KCNG2: variants seen among roughly 807,000 people sequenced by gnomAD.
KCNG2 encodes the protein voltage-gated potassium channel regulatory subunit KCNG2.
A neutral mutation model predicts 12.3 loss-of-function variants in KCNG2; 7 were observed. That is an observed-to-expected ratio of 0.57 (90% CI 0.32 to 1.07). The LOEUF (loss-of-function observed/expected upper bound fraction) is 1.07. KCNG2 is among the 50% of genes least tolerant of loss of function. KCNG2 has a pLI of 0.04. For synonymous variants in KCNG2, 414 were observed against 351.4 expected (o/e 1.18, Z -1.99); for missense variants, 703 against 726.0 (o/e 0.97, Z 0.36).
chr18:79,839,637 A>G (rs1024292687), intron 1 of KCNG2, among the ~76,000 whole-genome samples: 1 of 152,222 alleles, frequency 6.6e-6, no homozygotes, highest in African/African-American at 2.4e-5. Context: ...CATCTAAACA[A>G]CTAAACCTCT....
chr18:79,863,246 G>A (rs1190512049), intron 2 of KCNG2, among the ~76,000 whole-genome samples: 1 of 152,254 alleles, frequency 6.6e-6, no homozygotes, highest in Non-Finnish European at 1.5e-5. Context: ...CTAGGACTGC[G>A]TCTCTCCCTC....
chr18:79,826,119 C>T (rs996999555), intron 1 of KCNG2, among the ~76,000 whole-genome samples: 4 of 152,236 alleles, frequency 2.6e-5, no homozygotes, highest in African/African-American at 9.6e-5. Context: ...ACACTGTGGG[C>T]GACAGGAAGG....
At chr18:79,798,511 T>A (rs1215746054) in intron 1 of KCNG2, among the ~76,000 whole-genome samples, 1 of 152,164 alleles carries the variant, frequency 6.6e-6, no homozygotes, top group Non-Finnish European at 1.5e-5. Context: ...TGTGGGCGAA[T>A]GCTCGGCGCG....
chr18:79,862,460 CCTTCAGCACT>C (rs1239622449), intron 2 of KCNG2, among the ~76,000 whole-genome samples: 1 of 152,200 alleles, frequency 6.6e-6, no homozygotes, highest in African/African-American at 2.4e-5. Flanking sequence ...CTTGGAGCAA[CCTTCAGCACT>C]CATCCAGGCT....
chr18:79,863,507 G>A (rs899377822), intron 2 of KCNG2, among the ~76,000 whole-genome samples, 121 bp from the exon 3 acceptor site: 1 of 152,214 alleles, frequency 6.6e-6, no homozygotes, highest in Admixed American at 6.5e-5. Context: ...GTGGGCGGGC[G>A]GAGGGGTCTC....
intron 3 of KCNG2, among the ~76,000 whole-genome samples, chr18:79,895,440 G>A (rs556992698): frequency 7.3e-4 from 111 of 151,498 alleles, no homozygotes; most frequent in African/African-American, 2.5e-3. Context: ...CATTCATAAC[G>A]ATTGATATAG....
In KCNG2 at chr18:79,830,703, T is replaced by TTTG. The variant is rs1978293153; in HGVS notation, c.-114-25675_-114-25674insTGT. On this transcript the variant is annotated intron_variant, in intron 1 of 3. Coordinates refer to ENST00000316249, the MANE Select transcript of KCNG2 (RefSeq NM_012283.2). ...AGGAGGGTTCCCTGCAGACAGAGCC[T>TTTG]TCGTCAGGAGGGTTCCCTGCAGACA... Among the ~76,000 whole-genome samples the TTTG allele has an allele frequency of 4.4e-5, 6 of 136,206 alleles. No individual in the cohort carries two copies. In the South Asian group the frequency reaches 6.7e-4, roughly 15 times the overall value. 89.4% of individuals were successfully genotyped at this position (136,206 alleles called of 152,430 possible).
chr18:79,877,838 A>G (rs979490930), intron 3 of KCNG2, among the ~76,000 whole-genome samples: 6 of 152,194 alleles, frequency 3.9e-5, no homozygotes, highest in African/African-American at 1.4e-4. Flanking sequence ...GCCTTCTGAG[A>G]AGGGCTCCCA....
At chr18:79,889,095 T>C (rs1464075861) in intron 3 of KCNG2, among the ~76,000 whole-genome samples, 1 of 152,222 alleles carries the variant, frequency 6.6e-6, no homozygotes, top group Non-Finnish European at 1.5e-5. Flanking sequence ...TTCCTTCCAT[T>C]GTGTGGGTTG....
chr18:79,897,308 G>A (rs1981014126), intron 3 of KCNG2, among the ~76,000 whole-genome samples: 1 of 151,950 alleles, frequency 6.6e-6, no homozygotes, highest in South Asian at 2.1e-4. Context: ...AACTCTTCAT[G>A]TTTACTAATT....
At chr18:79,825,846 C>T (rs1398267248) in intron 1 of KCNG2, among the ~76,000 whole-genome samples, 2 of 152,236 alleles carry the variant, frequency 1.3e-5, no homozygotes, top group Non-Finnish European at 2.9e-5. Context: ...ATCACCTGAC[C>T]TGACCGTGCA....
At chr18:79,801,231 T>C (rs1361787806) in intron 1 of KCNG2, among the ~76,000 whole-genome samples, 1 of 152,276 alleles carries the variant, frequency 6.6e-6, no homozygotes, top group Non-Finnish European at 1.5e-5. Context: ...AGAAAAAGGC[T>C]AATTGAAATG....
intron 1 of KCNG2, among the ~76,000 whole-genome samples, chr18:79,818,482 G>A (rs748163460): frequency 1.3e-5 from 2 of 151,772 alleles, no homozygotes; most frequent in Non-Finnish European, 2.9e-5. Context: ...GCAACAGCAC[G>A]TCAGGAAACT....
chr18:79,863,510 G>T (rs1348136432), intron 2 of KCNG2, among the ~76,000 whole-genome samples, 118 bp from the exon 3 acceptor site: 2 of 152,214 alleles, frequency 1.3e-5, no homozygotes, highest in Non-Finnish European at 2.9e-5. Flanking sequence ...GGCGGGCGGA[G>T]GGGTCTCCGA....
chr18:79,804,323 T>A (rs2087432799), intron 1 of KCNG2, among the ~76,000 whole-genome samples: 1 of 152,186 alleles, frequency 6.6e-6, no homozygotes, highest in Non-Finnish European at 1.5e-5. Context: ...CACTGATCAC[T>A]GCATGGGGTA....
intron 1 of KCNG2, among the ~76,000 whole-genome samples, chr18:79,851,716 C>A (rs137913145): frequency 6.6e-6 from 1 of 150,688 alleles, no homozygotes; most frequent in Non-Finnish European, 1.5e-5. Flanking sequence ...TGTGTGTGAA[C>A]GTGCATGTGT....
chr18:79,854,558 GCT>G (rs1232210079), intron 1 of KCNG2, among the ~76,000 whole-genome samples: 1 of 126,848 alleles, frequency 7.9e-6, no homozygotes. Context: ...ACAGGGTCTC[GCT>G]CTGTTGCCCA....
At chr18:79,897,077 G>A (rs574548481) in intron 3 of KCNG2, among the ~76,000 whole-genome samples, 1 of 152,196 alleles carries the variant, frequency 6.6e-6, no homozygotes, top group Admixed American at 6.5e-5. Flanking sequence ...TGTTTATCCT[G>A]CTGGGAGTTC....
chr18:79,874,170 T>G (rs1482329593), intron 3 of KCNG2, among the ~76,000 whole-genome samples: 1 of 152,244 alleles, frequency 6.6e-6, no homozygotes, highest in Admixed American at 6.5e-5. Flanking sequence ...GTAGGGATTC[T>G]GCTCCTGAAC....
Sources: gnomAD v4.1 joint callset for allele counts (sites outside exome capture counted in the v4.1 genomes callset) on GRCh38, gnomAD v4.1.1 for gene constraint, MANE v1.5 for transcripts, NCBI Gene and HGNC (gene_info 2026-07-23, HGNC 2026-07-21) for gene names.